CYRIA: variants seen among roughly 807,000 people sequenced by gnomAD.
CYRIA encodes the protein CYFIP-related Rac1 interactor A.
Under a neutral mutation model 43.9 loss-of-function variants are expected in CYRIA, and 15 were observed. The ratio of observed to expected loss-of-function variants is 0.34; its 90% confidence interval spans 0.23 to 0.53. The LOEUF (loss-of-function observed/expected upper bound fraction) is 0.53, where lower values mean the gene tolerates loss of function less well. CYRIA is among the 20% of genes least tolerant of loss of function. The probability of loss-of-function intolerance (pLI) is 0.94; values close to 1 mark genes in which losing one functional copy is unlikely to be tolerated. For synonymous variants in CYRIA, 117 were observed against 136.0 expected, an observed-to-expected ratio of 0.86 and a Z score of 0.97; for missense variants, 236 against 394.2, an observed-to-expected ratio of 0.60 and a Z score of 3.40.
intron 3 of CYRIA, among the ~76,000 whole-genome samples, chr2:16,574,342 A>T (rs1667249196): frequency 2.0e-5 from 3 of 152,192 alleles, no homozygotes. Context: ...CAGAGCATAA[A>T]AGTTTGGAAA....
intron 1 of CYRIA, among the ~76,000 whole-genome samples, chr2:16,639,964 T>G (rs1401365386): frequency 1.3e-5 from 2 of 152,200 alleles, no homozygotes; most frequent in African/African-American, 4.8e-5. Flanking sequence ...TAAGAGCTTT[T>G]TTATTTTATT....
chr2:16,650,733 G>T lies in CYRIA; in HGVS notation c.-167+15047C>A, dbSNP rs1669951983. Among the ~76,000 whole-genome samples, 1 of 152,114 alleles carries T rather than the reference G, an allele frequency of 6.6e-6. No individual in the cohort carries two copies. Among genetic ancestry groups the T allele is most frequent in the South Asian group, 2.1e-4 (1 of 4,826 alleles). On this transcript the variant is annotated intron_variant, in intron 1 of 11. Transcript: ENST00000381323. The surrounding 1 kb of genome is among the most constrained non-coding windows in gnomAD (Gnocchi z 4.1). ...CATTACATGCCTGCAACCGGCACCG[G>T]GAATGGCAACAATCAGAGGGTGTGT... is the stretch of plus-strand genomic sequence containing the variant.
At chr2:16,629,530 G>A (rs545582741) in intron 1 of CYRIA, among the ~76,000 whole-genome samples, 14 of 152,304 alleles carry the variant, frequency 9.2e-5, no homozygotes, top group African/African-American at 2.2e-4. Context: ...CGTTTCTGGC[G>A]TATGTTTAAT....
chr2:16,601,171 C>A (rs944433901), intron 2 of CYRIA, among the ~76,000 whole-genome samples: 1 of 152,140 alleles, frequency 6.6e-6, no homozygotes, highest in East Asian at 1.9e-4. Flanking sequence ...GGAGGTGTTT[C>A]TTTAGGAAAT....
rs144937443 is a variant in CYRIA at position 16,638,379 on chromosome 2, C to A, written c.-166-14360G>T. ...GGTGTGGAAGCATCCGTGGTGGGCA[C>A]CGGACTCCACCTGTGTGATGGGATC... On this transcript the variant is annotated intron_variant, in intron 1 of 11. Transcript: ENST00000381323. 9.1e-3 allele frequency among the ~76,000 whole-genome samples: 1,383 copies of A among 152,250 alleles called. 20 individuals are homozygous for A. The highest frequency in any genetic ancestry group is 0.03 in the African/African-American group (1,243 of 41,518).
chr2:16,611,511 G>T (rs1453759962), intron 2 of CYRIA, among the ~76,000 whole-genome samples: 7 of 152,214 alleles, frequency 4.6e-5, no homozygotes, highest in Non-Finnish European at 1.0e-4. Flanking sequence ...ACTATAATGG[G>T]GAGGAAGACT....
intron 1 of CYRIA, among the ~76,000 whole-genome samples, chr2:16,664,142 T>C (rs1161835030): frequency 6.6e-6 from 1 of 152,162 alleles, no homozygotes; most frequent in Non-Finnish European, 1.5e-5. Context: ...TGAGGCAGTA[T>C]GCGCCCACTA....
chr2:16,561,752 T>C (rs1666742342), intron 6 of CYRIA, among the ~76,000 whole-genome samples: 2 of 152,208 alleles, frequency 1.3e-5, no homozygotes, highest in Admixed American at 1.3e-4. Flanking sequence ...TTGGTCTCAA[T>C]GTGGAACAGA....
intron 3 of CYRIA, among the ~76,000 whole-genome samples, chr2:16,574,728 C>A (rs1017860287): frequency 6.6e-6 from 1 of 152,198 alleles, no homozygotes; most frequent in Non-Finnish European, 1.5e-5. Flanking sequence ...ACACAGAAAT[C>A]AAAAACTGAG....
At chr2:16,609,927 C>A (rs1369785334) in intron 2 of CYRIA, among the ~76,000 whole-genome samples, 1 of 152,134 alleles carries the variant, frequency 6.6e-6, no homozygotes, top group African/African-American at 2.4e-5. Context: ...GTGGTCTGCC[C>A]AGAAGGACTG....
rs570660817 is a variant in CYRIA at position 16,563,956 on chromosome 2, T to C, written c.298+33A>G. ...TCAAACATCAAAACAGAACTCCGTA[T>C]GTGGGCCATGAAAACTACAAATACA... is the stretch of plus-strand genomic sequence containing the variant. On this transcript the variant is annotated intron_variant, in intron 5 of 11. Coordinates refer to ENST00000381323, the MANE Select transcript of CYRIA (RefSeq NM_030797.4). 2.0e-6 allele frequency: 3 copies of C among 1,504,752 alleles called. No individual in the cohort carries two copies. In the East Asian group the frequency reaches 6.8e-5, roughly 34 times the overall value. The allele number at this position is 1,504,752 out of a possible 1,614,324, so 93.2% of individuals were successfully genotyped here.
rs779801364 is a variant in CYRIA, at chr2:16,650,807, CAAGGAGG to C, written c.-167+14966_-167+14972del. On this transcript the variant is annotated intron_variant, in intron 1 of 11. Transcript: ENST00000381323. This position sits in a 1 kb window ranked among gnomAD's most constrained non-coding sequence, Gnocchi z 4.1. ...GAAAGACCGTGACCTTAAGGCAAGTCAAGGAGGAAGGTAGCAATTCAGGACAGAGGCT... is the reference window on the plus strand; with the variant it reads ...GAAAGACCGTGACCTTAAGGCAAGTCAAGGTAGCAATTCAGGACAGAGGCT... Among the ~76,000 whole-genome samples, 72 of 152,188 alleles carry C rather than the reference CAAGGAGG, an allele frequency of 4.7e-4. No individual in the cohort carries two copies. The highest frequency in any genetic ancestry group is 7.9e-4 in the Admixed American group (12 of 15,286).
At chr2:16,615,646 T>C (rs986296532) in intron 2 of CYRIA, among the ~76,000 whole-genome samples, 1 of 152,108 alleles carries the variant, frequency 6.6e-6, no homozygotes, top group African/African-American at 2.4e-5. Context: ...ATCCCTCAGA[T>C]CCCTCCAAAA....
chr2:16,644,590 C>G (rs1348467248), intron 1 of CYRIA, among the ~76,000 whole-genome samples: 1 of 152,160 alleles, frequency 6.6e-6, no homozygotes, highest in Non-Finnish European at 1.5e-5. Context: ...TGTTTTCTTC[C>G]TAGATGTTTG....
intron 3 of CYRIA, among the ~76,000 whole-genome samples, chr2:16,574,311 C>T (rs1002763664): frequency 1.3e-5 from 2 of 152,174 alleles, no homozygotes; most frequent in Non-Finnish European, 2.9e-5. Context: ...CTGCTAAAGA[C>T]ATTCAGTTTT....
chr2:16,562,231 G>A (rs982206954), intron 5 of CYRIA, 90 bp from the exon 6 acceptor site: 36 of 1,371,544 alleles, frequency 2.6e-5, no homozygotes, highest in African/African-American at 1.0e-4. Flanking sequence ...TGACAATCTC[G>A]GAGATCACCT....
chr2:16,660,947 C>G (rs981929739), intron 1 of CYRIA, among the ~76,000 whole-genome samples: 4 of 152,138 alleles, frequency 2.6e-5, no homozygotes, highest in African/African-American at 9.7e-5. Flanking sequence ...TCCAAATTAC[C>G]CAAGAAAGGC....
chr2:16,554,467 G>C (rs1000378184), intron 11 of CYRIA, among the ~76,000 whole-genome samples: 1 of 152,166 alleles, frequency 6.6e-6, no homozygotes, highest in Non-Finnish European at 1.5e-5. Flanking sequence ...GCTGAAACAT[G>C]CCACAGCTGG....
chr2:16,575,588 G>T (rs1667303559), intron 3 of CYRIA, among the ~76,000 whole-genome samples: 1 of 152,080 alleles, frequency 6.6e-6, no homozygotes, highest in Non-Finnish European at 1.5e-5. Flanking sequence ...GGGCGCGGTG[G>T]CTCATGCTTG....
Sources: allele counts gnomAD v4.1 joint callset (sites outside exome capture counted in the v4.1 genomes callset), GRCh38; gene constraint gnomAD v4.1.1; non-coding constraint Gnocchi (gnomAD v3.1); transcripts MANE v1.5; gene names NCBI Gene and HGNC (gene_info 2026-07-23, HGNC 2026-07-21).